Variants in FAM135B observed in about 807,000 individuals in gnomAD.
FAM135B encodes the protein protein FAM135B.
A neutral mutation model predicts 127.7 loss-of-function variants in FAM135B; 43 were observed. That is an observed-to-expected ratio of 0.34 (90% CI 0.26 to 0.43). The LOEUF is 0.43. Among genes scored for constraint, FAM135B ranks in the 20% least tolerant of loss-of-function variants. The pLI, the probability that FAM135B is intolerant of heterozygous loss-of-function variation, is 1.00. For missense variants in FAM135B, 1,558 were observed against 1,725.6 expected (o/e 0.90, Z 1.72); for synonymous variants, 670 against 665.1 (o/e 1.01, Z -0.11).
intron 11 of FAM135B, among the ~76,000 whole-genome samples, chr8:138,173,583 G>A (rs138178340): frequency 2.2e-4 from 34 of 152,258 alleles, no homozygotes; most frequent in African/African-American, 6.7e-4. Context: ...AGCATGTAAC[G>A]CACTCAGTTT....
chr8:138,155,942 A>T (rs930736779), intron 12 of FAM135B, among the ~76,000 whole-genome samples: 126 of 152,274 alleles, frequency 8.3e-4, no homozygotes, highest in African/African-American at 2.9e-3. Context: ...TGCACCAAGC[A>T]GACCTAATAG....
rs186054382 is a variant in FAM135B, at chr8:138,267,019, G to A, written c.158-1177C>T. Among the ~76,000 whole-genome samples the A allele has an allele frequency of 6.1e-4, 93 of 152,190 alleles. 1 individual carries two copies. The highest frequency in any genetic ancestry group is 2.2e-3 in the African/African-American group (90 of 41,538). The stretch of plus-strand genomic sequence containing the variant: ...TTTTACACCAGATGAAGAGACAAAG[G>A]CTCAAAGCAGAGGCAGGTGCCTAAA... On this transcript the variant is annotated intron_variant, in intron 3 of 19. Transcript: ENST00000395297.
intron 5 of FAM135B, 21 bp from the exon 6 acceptor site, chr8:138,251,035 C>A (rs2130490657): frequency 6.2e-7 from 1 of 1,612,888 alleles, no homozygotes; most frequent in Non-Finnish European, 8.5e-7. Context: ...AGCATGTGAG[C>A]TCACGTGAGA....
chr8:138,354,544 A>G lies in FAM135B; in HGVS notation c.77+13363T>C, dbSNP rs375983024. ...TCTGTCCTCCATCAACATCTTGTCC[A>G]TGTTTAACTTCCATTTCTGACATCA... is the stretch of plus-strand genomic sequence containing the variant. On this transcript the variant is annotated intron_variant, in intron 2 of 19. Coordinates refer to ENST00000395297, the MANE Select transcript of FAM135B (RefSeq NM_015912.4). Among the ~76,000 whole-genome samples the G allele has an allele frequency of 1.4e-4, 22 of 152,200 alleles. 1 individual carries two copies. The highest frequency in any genetic ancestry group is 1.0e-3 in the Admixed American group (16 of 15,284).
chr8:138,276,897 G>C (rs1360556379), intron 3 of FAM135B, among the ~76,000 whole-genome samples: 1 of 152,210 alleles, frequency 6.6e-6, no homozygotes, highest in Non-Finnish European at 1.5e-5. Flanking sequence ...GAATGATAGA[G>C]AAGGTGAGGG....
Position 138,206,751 on chromosome 8 carries a change from C to G in FAM135B, c.670-9082G>C, listed in dbSNP as rs1407437789. Among the ~76,000 whole-genome samples, 5 of 149,874 alleles carry G rather than the reference C, an allele frequency of 3.3e-5. No homozygotes were observed. The East Asian group carries it at 1.0e-3, about 30-fold the overall frequency. Reference sequence around the variant, plus strand: ...TACCTACACACAACTGTATCATCCCCTCCACCTACACACAATTCCAGCATC... The same window carrying G: ...TACCTACACACAACTGTATCATCCCGTCCACCTACACACAATTCCAGCATC... On this transcript the variant is annotated intron_variant, in intron 7 of 19. Coordinates refer to ENST00000395297, the MANE Select transcript of FAM135B (RefSeq NM_015912.4).
intron 2 of FAM135B, among the ~76,000 whole-genome samples, chr8:138,332,818 G>A (rs933438148): frequency 6.6e-6 from 1 of 152,064 alleles, no homozygotes; most frequent in Non-Finnish European, 1.5e-5. Context: ...AACAGCTGGC[G>A]GCGCTTTCTC....
At chr8:138,409,603 T>C (rs1378611685) in intron 1 of FAM135B, among the ~76,000 whole-genome samples, 1 of 151,944 alleles carries the variant, frequency 6.6e-6, no homozygotes, top group Non-Finnish European at 1.5e-5. Flanking sequence ...AGACTGGGCA[T>C]GTTGGCTCAT....
At chr8:138,288,692 G>A (rs189392975) in intron 3 of FAM135B, among the ~76,000 whole-genome samples, 6 of 152,258 alleles carry the variant, frequency 3.9e-5, no homozygotes, top group Non-Finnish European at 8.8e-5. Flanking sequence ...GGTCCATTTC[G>A]ATAATCAAAA....
At position 138,143,077 on chromosome 8, in the gene FAM135B, C is replaced by A. The variant is rs866354627; in HGVS notation, c.3573G>T (p.Thr1191=). ...GAATGATTTCATCCAATAACCGATC[C>A]GTCATAGTATCAAAATCTGCAAATG... The part of the protein sequence containing the change: ...MDTFADFDTM[T]DRLLDEIIQH... Residue 1191 remains threonine (T), a synonymous_variant, in exon 16 of 20, where the codon ACG becomes ACT. Transcript: ENST00000395297. 1 of 1,608,988 alleles carries A rather than the reference C, an allele frequency of 6.2e-7. No individual in the cohort carries two copies. Among genetic ancestry groups the A allele is most frequent in the East Asian group, 2.2e-5 (1 of 44,840 alleles).
At position 138,132,224 on chromosome 8, in the gene FAM135B, C is replaced by T. The variant is rs938553796; in HGVS notation, c.*369G>A. ...TAATCAGAAATGATAAAGCTATAAG[C>T]TAGTAACATATTCGGCAAGTCTAGT... is the stretch of plus-strand genomic sequence containing the variant. On this transcript the variant is annotated 3_prime_UTR_variant, in exon 20 of 20. Coordinates refer to ENST00000395297, the MANE Select transcript of FAM135B (RefSeq NM_015912.4). The surrounding 1 kb of genome is among the most constrained non-coding windows in gnomAD (Gnocchi z 4.5). The T allele has an allele frequency of 4.1e-6, 1 of 241,616 alleles. No homozygotes were observed. Among genetic ancestry groups the T allele is most frequent in the Non-Finnish European group, 8.2e-6 (1 of 122,156 alleles). The allele number at this position is 241,616 out of a possible 1,614,324, so 15.0% of individuals were successfully genotyped here.
At chr8:138,148,137 G>T (rs1320313478) in intron 14 of FAM135B, among the ~76,000 whole-genome samples, 3 of 152,046 alleles carry the variant, frequency 2.0e-5, no homozygotes, top group African/African-American at 7.2e-5. Context: ...TCAAATTACT[G>T]TATTCATGCA....
chr8:138,138,807 G>A (rs1816878213), intron 18 of FAM135B, among the ~76,000 whole-genome samples, 179 bp downstream of exon 18: 1 of 152,256 alleles, frequency 6.6e-6, no homozygotes, highest in Non-Finnish European at 1.5e-5. Context: ...CAATGGGCAA[G>A]AGGAGCTGAG....
chr8:138,217,268 T>C (rs914529958), intron 7 of FAM135B, among the ~76,000 whole-genome samples: 2 of 152,138 alleles, frequency 1.3e-5, no homozygotes, highest in African/African-American at 4.8e-5. Context: ...TACTTCTGGA[T>C]AGTCATATCT....
At chr8:138,290,985 C>T (rs1023651959) in intron 3 of FAM135B, among the ~76,000 whole-genome samples, 2 of 152,146 alleles carry the variant, frequency 1.3e-5, no homozygotes, top group African/African-American at 4.8e-5. Context: ...TGTCATGCTG[C>T]CTGCCATAGA....
chr8:138,408,593 A>G (rs1589224), intron 1 of FAM135B, among the ~76,000 whole-genome samples: 2 of 152,104 alleles, frequency 1.3e-5, no homozygotes, highest in East Asian at 3.9e-4. Context: ...TTATGATCAA[A>G]ATAGGTTTAA....
At chr8:138,174,876 T>G (rs1814295686) in intron 11 of FAM135B, among the ~76,000 whole-genome samples, 3 of 152,204 alleles carry the variant, frequency 2.0e-5, no homozygotes, top group Admixed American at 2.0e-4. Flanking sequence ...TCTATGTACT[T>G]GTAGGCCTTC....
At chr8:138,448,642 T>C (rs1836325653) in intron 1 of FAM135B, among the ~76,000 whole-genome samples, 1 of 151,974 alleles carries the variant, frequency 6.6e-6, no homozygotes, top group African/African-American at 2.4e-5. Flanking sequence ...GTGAAGATCT[T>C]GGGACTTCTC....
At chr8:138,206,470 C>T (rs1817632683) in intron 7 of FAM135B, among the ~76,000 whole-genome samples, 3 of 151,536 alleles carry the variant, frequency 2.0e-5, no homozygotes, top group South Asian at 2.1e-4. Flanking sequence ...TCCAGCATCC[C>T]CTCCACCTAC....
Sources: allele counts gnomAD v4.1 joint callset (sites outside exome capture counted in the v4.1 genomes callset), GRCh38; gene constraint gnomAD v4.1.1; non-coding constraint Gnocchi (gnomAD v3.1); transcripts MANE v1.5; gene names NCBI Gene and HGNC (gene_info 2026-07-23, HGNC 2026-07-21).